COL19A1: variants seen among roughly 807,000 people sequenced by gnomAD.
COL19A1 encodes collagen alpha-1(XIX) chain.
A neutral mutation model predicts 190.2 loss-of-function variants in COL19A1; 159 were observed. That is an observed-to-expected ratio of 0.84 (90% CI 0.73 to 0.95). The LOEUF (loss-of-function observed/expected upper bound fraction) is 0.95, where lower values mean the gene tolerates loss of function less well. COL19A1 is among the 40% of genes least tolerant of loss of function. The pLI, the probability that COL19A1 is intolerant of heterozygous loss-of-function variation, is 0.00. For synonymous variants in COL19A1, 509 were observed against 458.9 expected, an observed-to-expected ratio of 1.11 and a Z score of -1.39; for missense variants, 1,418 against 1,431.9, an observed-to-expected ratio of 0.99 and a Z score of 0.16.
chr6:70,021,387 A>T (rs935467825), intron 11 of COL19A1, among the ~76,000 whole-genome samples: 1 of 152,112 alleles, frequency 6.6e-6, no homozygotes, highest in African/African-American at 2.4e-5. Flanking sequence ...AGAGTTGCTT[A>T]TTCTTACCAT....
At chr6:69,883,200 T>C (rs1768682614) in intron 2 of COL19A1, among the ~76,000 whole-genome samples, 1 of 152,106 alleles carries the variant, frequency 6.6e-6, no homozygotes, top group Non-Finnish European at 1.5e-5. Flanking sequence ...TGGAGCCAAG[T>C]GAATGAGGGG....
At chr6:70,088,869 A>G (rs1181044035) in intron 15 of COL19A1, among the ~76,000 whole-genome samples, 3 of 152,158 alleles carry the variant, frequency 2.0e-5, no homozygotes, top group Non-Finnish European at 2.9e-5. Flanking sequence ...TTGTGTTCCT[A>G]AGTGGCAGTT....
intron 4 of COL19A1, among the ~76,000 whole-genome samples, chr6:69,905,305 G>C (rs1465490461): frequency 6.6e-6 from 1 of 152,220 alleles, no homozygotes; most frequent in African/African-American, 2.4e-5. Flanking sequence ...TTATTCAGCA[G>C]CTCTCTCAAC....
intron 4 of COL19A1, among the ~76,000 whole-genome samples, chr6:69,914,724 C>G (rs920432497): frequency 6.6e-6 from 1 of 152,168 alleles, no homozygotes; most frequent in Non-Finnish European, 1.5e-5. Context: ...ACTTTGCTTT[C>G]AAGGCTTATG....
chr6:69,986,366 C>T (rs1055009538), intron 11 of COL19A1, among the ~76,000 whole-genome samples: 1 of 151,674 alleles, frequency 6.6e-6, no homozygotes, highest in African/African-American at 2.4e-5. Flanking sequence ...GGATATACTT[C>T]AATGAGAAGC....
At chr6:70,110,883 C>T (rs1031461935) in intron 16 of COL19A1, among the ~76,000 whole-genome samples, 4 of 152,104 alleles carry the variant, frequency 2.6e-5, no homozygotes, top group African/African-American at 9.7e-5. Flanking sequence ...TCTGGACTGA[C>T]ATGTGTTATT....
rs547437000 is a variant in COL19A1, at chr6:70,080,832, C to A, written c.1224+12356C>A. Among the ~76,000 whole-genome samples the A allele has an allele frequency of 9.9e-5, 15 of 152,260 alleles. No individual in the cohort carries two copies. In the South Asian group the frequency reaches 3.1e-3, roughly 32 times the overall value. On this transcript the variant is annotated intron_variant, in intron 15 of 50. Coordinates refer to ENST00000620364, the MANE Select transcript of COL19A1 (RefSeq NM_001858.6). ...ATGAAGAGTCCTGCCTGTGTTTTATCAGTAAGTCCTTGTGGTTATGGTGAT... is the reference window on the plus strand; with the variant it reads ...ATGAAGAGTCCTGCCTGTGTTTTATAAGTAAGTCCTTGTGGTTATGGTGAT...
At chr6:70,109,550 G>A (rs969296576) in intron 16 of COL19A1, among the ~76,000 whole-genome samples, 10 of 129,060 alleles carry the variant, frequency 7.7e-5, no homozygotes, top group African/African-American at 3.5e-4. Context: ...AAGTGTGTGT[G>A]TGTGTGTGTG....
Position 70,191,283 on chromosome 6 carries a change from G to A in COL19A1, c.3094+902G>A, listed in dbSNP as rs77673882. On this transcript the variant is annotated intron_variant, in intron 48 of 50. Coordinates refer to ENST00000620364, the MANE Select transcript of COL19A1 (RefSeq NM_001858.6). ...CCTTATAAAAATATTTTTAAATGAGGTGTTTCTCATTATGGACTGTGTGTT... is the reference window on the plus strand; with the variant it reads ...CCTTATAAAAATATTTTTAAATGAGATGTTTCTCATTATGGACTGTGTGTT... Among the ~76,000 whole-genome samples the A allele has an allele frequency of 3.6e-3, 545 of 152,274 alleles. 3 individuals are homozygous for A. The highest frequency in any genetic ancestry group is 5.4e-3 in the Non-Finnish European group (368 of 68,014).
intron 5 of COL19A1, among the ~76,000 whole-genome samples, chr6:69,928,490 T>A (rs1772538721): frequency 6.6e-6 from 1 of 152,196 alleles, no homozygotes; most frequent in Admixed American, 6.5e-5. Flanking sequence ...ACACATACTA[T>A]ATACTAGGTA....
At chr6:70,083,890 C>A (rs1782427439) in intron 15 of COL19A1, among the ~76,000 whole-genome samples, 1 of 152,000 alleles carries the variant, frequency 6.6e-6, no homozygotes, top group Admixed American at 6.6e-5. Context: ...GGCAAGACAA[C>A]CAGTAGGGCT....
intron 12 of COL19A1, among the ~76,000 whole-genome samples, chr6:70,030,270 G>C (rs549220927): frequency 6.6e-6 from 1 of 152,014 alleles, no homozygotes; most frequent in Non-Finnish European, 1.5e-5. Context: ...TTACAACTGG[G>C]ATTAATTTGT....
At chr6:70,133,148 C>T (rs1004324645) in intron 18 of COL19A1, among the ~76,000 whole-genome samples, 1 of 152,160 alleles carries the variant, frequency 6.6e-6, no homozygotes, top group Non-Finnish European at 1.5e-5. Context: ...AAAGAAGGGA[C>T]TCAGTTTGTG....
At chr6:70,127,341 G>C (rs959710563) in intron 17 of COL19A1, among the ~76,000 whole-genome samples, 4 of 152,134 alleles carry the variant, frequency 2.6e-5, no homozygotes, top group Non-Finnish European at 5.9e-5. Flanking sequence ...ATCTTATGTA[G>C]AGAATATGTG....
chr6:70,141,415 A>G (rs1383113309), intron 20 of COL19A1, among the ~76,000 whole-genome samples: 2 of 152,124 alleles, frequency 1.3e-5, no homozygotes, highest in Non-Finnish European at 2.9e-5. Context: ...TATAGCCAGT[A>G]TCATCCTCTT....
intron 15 of COL19A1, among the ~76,000 whole-genome samples, chr6:70,074,789 G>T (rs1220810221): frequency 2.0e-5 from 3 of 147,216 alleles, no homozygotes; most frequent in Non-Finnish European, 4.4e-5. Context: ...ATCTTTATGT[G>T]TCAAAACTGA....
intron 17 of COL19A1, among the ~76,000 whole-genome samples, chr6:70,127,981 G>C (rs1319051080): frequency 6.6e-6 from 1 of 152,128 alleles, no homozygotes; most frequent in Non-Finnish European, 1.5e-5. Context: ...TGGAATTCCT[G>C]CTCAATTTAA....
chr6:69,921,519 T>TTCATATAG (rs1771924473), intron 4 of COL19A1, among the ~76,000 whole-genome samples: 2 of 127,506 alleles, frequency 1.6e-5, no homozygotes, highest in Non-Finnish European at 1.7e-5. Context: ...CATATGTATA[T>TTCATATAG]TCATATATAT....
intron 14 of COL19A1, among the ~76,000 whole-genome samples, chr6:70,064,626 G>A (rs1562135520): frequency 6.6e-6 from 1 of 152,122 alleles, no homozygotes; most frequent in Non-Finnish European, 1.5e-5. Flanking sequence ...TCAGGCAGGA[G>A]AAGGAAATAA....
Sources: gnomAD v4.1 joint callset for allele counts (sites outside exome capture counted in the v4.1 genomes callset) on GRCh38, gnomAD v4.1.1 for gene constraint, MANE v1.5 for transcripts, NCBI Gene and HGNC (gene_info 2026-07-23, HGNC 2026-07-21) for gene names.